AKAP12: variants seen among roughly 807,000 people sequenced by gnomAD.
AKAP12 encodes the protein A-kinase anchoring protein 12.
Under a neutral mutation model 79.9 loss-of-function variants are expected in AKAP12, and 32 were observed. That is an observed-to-expected ratio of 0.40 (90% confidence interval 0.30 to 0.54). The LOEUF is 0.54. Among genes scored for constraint, AKAP12 ranks in the 20% least tolerant of loss-of-function variants. The pLI is 0.48. For synonymous variants in AKAP12, 808 were observed against 857.0 expected (o/e 0.94, Z 1.00); for missense variants, 2,074 against 2,177.0 (o/e 0.95, Z 0.94).
intron 3 of AKAP12, among the ~76,000 whole-genome samples, chr6:151,326,199 G>A (rs1049097584): frequency 1.3e-5 from 2 of 152,166 alleles, no homozygotes; most frequent in Admixed American, 1.3e-4. Context: ...GAGGGATGTG[G>A]AGAGGAACAA....
At chr6:151,264,899 C>G (rs1364967349) in intron 2 of AKAP12, among the ~76,000 whole-genome samples, 1 of 152,054 alleles carries the variant, frequency 6.6e-6, no homozygotes, top group East Asian at 1.9e-4. Context: ...CGCTTGTAAT[C>G]CCAGCACTTT....
intron 2 of AKAP12, among the ~76,000 whole-genome samples, chr6:151,272,523 A>G (rs563299567): frequency 1.3e-5 from 2 of 151,928 alleles, no homozygotes; most frequent in Admixed American, 6.6e-5. Context: ...AGATAGATAG[A>G]TAGATAGATA....
At chr6:151,245,420 C>T (rs1009885820) in intron 2 of AKAP12, among the ~76,000 whole-genome samples, 5 of 151,756 alleles carry the variant, frequency 3.3e-5, no homozygotes, top group Non-Finnish European at 5.9e-5. Flanking sequence ...CTCAGCTTTC[C>T]GAGTCGCTGG....
At chr6:151,324,558 C>T in intron 3 of AKAP12, 1 of 985,386 alleles carries the variant, frequency 1.0e-6, no homozygotes, top group Non-Finnish European at 1.2e-6. Flanking sequence ...CCTCCCTCCT[C>T]CCTGCCCCAA....
intron 2 of AKAP12, among the ~76,000 whole-genome samples, chr6:151,251,226 T>C (rs2045039035): frequency 6.6e-6 from 1 of 152,228 alleles, no homozygotes; most frequent in Admixed American, 6.5e-5. Context: ...AGCCCGTCGA[T>C]GTTAAGAGCT....
At position 151,287,035 on chromosome 6, in the gene AKAP12, G is replaced by T. The variant is rs2346897; in HGVS notation, c.163-18712G>T. The stretch of plus-strand genomic sequence containing the variant: ...CTCACTGCTCACCTCTGCCTCCCGG[G>T]TTCACACCATTCTCCTGCCTCAGCC... On this transcript the variant is annotated intron_variant, in intron 2 of 4. Coordinates refer to ENST00000402676, the MANE Select transcript of AKAP12 (RefSeq NM_005100.4). Among the ~76,000 whole-genome samples, 1,156 of 151,312 alleles carry T rather than the reference G, an allele frequency of 7.6e-3. 13 individuals carry two copies. The highest frequency in any genetic ancestry group is 0.026 in the African/African-American group (1,087 of 41,188).
intron 2 of AKAP12, 76 bp from the exon 3 acceptor site, chr6:151,305,671 C>T (rs1033112871): frequency 2.2e-6 from 3 of 1,387,110 alleles, no homozygotes; most frequent in African/African-American, 1.5e-5. Flanking sequence ...GGTTTGTATT[C>T]TGGAAGTTAA....
chr6:151,240,358 T>G, intron 1 of AKAP12, 26 bp from the exon 2 acceptor site: 1 of 366,418 alleles, frequency 2.7e-6, no homozygotes, highest in Non-Finnish European at 4.4e-6. Flanking sequence ...GAGGTGGCCT[T>G]TTTTTTTTTT....
In AKAP12 at chr6:151,350,901, A is replaced by G. The variant is rs2114827000; in HGVS notation, c.2510A>G (p.Asn837Ser). 1 of 1,614,116 alleles carries G rather than the reference A, an allele frequency of 6.2e-7. No individual in the cohort carries two copies. The highest frequency in any genetic ancestry group is 8.5e-7 in the Non-Finnish European group (1 of 1,180,016). The stretch of plus-strand genomic sequence containing the variant: ...GAAGACGCAGGGCCAACAGGGGCCA[A>G]CGAAGATGACTCTGATGTCCCGGCC... ...PVEDAGPTGANEDDSDVPAVV... is the reference protein window; with the variant it reads ...PVEDAGPTGASEDDSDVPAVV... The change falls in exon 4 of 5, where the codon AAC becomes AGC. Residue 837 changes from asparagine (N) to serine (S), a missense_variant. By Grantham distance (46) the Asn-to-Ser change is conservative. This residue lies in a region of AKAP12 where 1,428 missense variants were observed against 1,451.0 expected (regional missense o/e 0.98). Coordinates refer to ENST00000402676, the MANE Select transcript of AKAP12 (RefSeq NM_005100.4). This position sits in a 1 kb window ranked among gnomAD's most constrained non-coding sequence, Gnocchi z 4.8.
intron 2 of AKAP12, among the ~76,000 whole-genome samples, chr6:151,247,271 T>G: frequency 6.6e-6 from 1 of 151,994 alleles, no homozygotes; most frequent in Non-Finnish European, 1.5e-5. Flanking sequence ...TGCGGTGACG[T>G]GTACCTGTAG....
rs371840865 is a variant in AKAP12 at position 151,349,643 on chromosome 6, G to A, written c.1252G>A (p.Glu418Lys). ...AGTCCACCAAGAAGAGGTTGTGGCC[G>A]AAGTCCACGTCAGCACCGTGGAGGA... is the stretch of plus-strand genomic sequence containing the variant. ...IEVHQEEVVA[E>K]VHVSTVEERT... Residue 418 changes from glutamate to lysine, a missense_variant, in exon 4 of 5, where the codon GAA (glutamate) becomes AAA (lysine). Coordinates refer to ENST00000402676, the MANE Select transcript of AKAP12 (RefSeq NM_005100.4). 4.1e-5 allele frequency: 66 copies of A among 1,613,450 alleles called. No homozygotes were observed. Among genetic ancestry groups the A allele is most frequent in the Non-Finnish European group, 5.1e-5 (60 of 1,179,834 alleles).
Position 151,350,858 on chromosome 6 carries a change from C to T in AKAP12, c.2467C>T (p.Gln823Ter). The T allele has an allele frequency of 6.2e-7, 1 of 1,614,074 alleles. No homozygotes were observed. Among genetic ancestry groups the T allele is most frequent in the Non-Finnish European group, 8.5e-7 (1 of 1,180,002 alleles). The change falls in exon 4 of 5, where the codon CAA (glutamine) becomes TAA (stop). Residue 823 changes from glutamine to a stop codon, truncating the protein, a stop_gained. Coordinates refer to ENST00000402676, the MANE Select transcript of AKAP12 (RefSeq NM_005100.4). LOFTEE classifies it high-confidence loss of function. The surrounding 1 kb of genome is among the most constrained non-coding windows in gnomAD (Gnocchi z 4.8). Reference protein sequence around the residue: ...GRRKKRPDGKQEQAPVEDAGP... With the variant: ...GRRKKRPDGK ...AAGGAAGAAAAGGCCAGATGGGAAACAAGAACAAGCCCCTGTTGAAGACGC... is the reference window on the plus strand; with the variant it reads ...AAGGAAGAAAAGGCCAGATGGGAAATAAGAACAAGCCCCTGTTGAAGACGC...
At chr6:151,257,060 C>T (rs1166494513) in intron 2 of AKAP12, among the ~76,000 whole-genome samples, 1 of 151,660 alleles carries the variant, frequency 6.6e-6, no homozygotes, top group African/African-American at 2.4e-5. Flanking sequence ...AAAATAATTT[C>T]GCTTTTATTT....
At chr6:151,326,055 A>G (rs1386138036) in intron 3 of AKAP12, among the ~76,000 whole-genome samples, 1 of 152,174 alleles carries the variant, frequency 6.6e-6, no homozygotes, top group Non-Finnish European at 1.5e-5. Context: ...TCAGAAGAAC[A>G]TTCTCCCTTG....
At chr6:151,243,329 TC>T (rs1265343898) in intron 2 of AKAP12, among the ~76,000 whole-genome samples, 1 of 152,228 alleles carries the variant, frequency 6.6e-6, no homozygotes, top group Non-Finnish European at 1.5e-5. Context: ...TGTAGGCAGA[TC>T]TTTTTCTATC....
At chr6:151,253,520 C>T (rs1400516934) in intron 2 of AKAP12, among the ~76,000 whole-genome samples, 1 of 151,970 alleles carries the variant, frequency 6.6e-6, no homozygotes, top group Non-Finnish European at 1.5e-5. Context: ...GCCACTGCAC[C>T]CGGCCAAAAC....
Position 151,353,630 on chromosome 6 carries a change from C to T in AKAP12, c.5239C>T (p.Gln1747Ter), listed in dbSNP as rs748431058. 6.2e-7 allele frequency: 1 copy of T among 1,614,042 alleles called. No homozygotes were observed. The highest frequency in any genetic ancestry group is 8.5e-7 in the Non-Finnish European group (1 of 1,180,004). Residue 1747 changes from glutamine (Q) to a stop codon, truncating the protein, a stop_gained, in exon 4 of 5, where the codon CAG (glutamine) becomes TAG (stop). Transcript: ENST00000402676. LOFTEE classifies it low-confidence loss of function (END_TRUNC). The part of the protein sequence containing the change: ...EKEDAQEVEL[Q>*]EGKVHSESDK... ...GGAGGATGCCCAGGAAGTAGAATTG[C>T]AGGAAGGAAAAGTGCACAGTGAATC...
chr6:151,275,365 C>T lies in AKAP12; in HGVS notation c.163-30382C>T, dbSNP rs530690101. Among the ~76,000 whole-genome samples, 10 of 152,086 alleles carry T rather than the reference C, an allele frequency of 6.6e-5. No homozygotes were observed. In the South Asian group the frequency reaches 1.2e-3, roughly 19 times the overall value. On this transcript the variant is annotated intron_variant, in intron 2 of 4. Coordinates refer to ENST00000402676, the MANE Select transcript of AKAP12 (RefSeq NM_005100.4). ...TGAGGTTTCCAATGCTATTTGCTTTCGGGATGTTGAGCCCTCAGAGTAACA... is the reference window on the plus strand; with the variant it reads ...TGAGGTTTCCAATGCTATTTGCTTTTGGGATGTTGAGCCCTCAGAGTAACA...
intron 3 of AKAP12, among the ~76,000 whole-genome samples, chr6:151,321,159 G>C (rs1028215839): frequency 6.6e-6 from 1 of 151,960 alleles, no homozygotes; most frequent in Non-Finnish European, 1.5e-5. Flanking sequence ...GCTAAATTTT[G>C]TATTTTTAAT....
Sources: gnomAD v4.1 joint callset for allele counts (sites outside exome capture counted in the v4.1 genomes callset) on GRCh38, gnomAD v4.1.1 for gene constraint, gnomAD v4.1.1 regional missense constraint, Gnocchi (gnomAD v3.1) non-coding constraint, MANE v1.5 for transcripts, NCBI Gene and HGNC (gene_info 2026-07-23, HGNC 2026-07-21) for gene names.